Variants in CDC42BPA observed in about 807,000 individuals in gnomAD.
CDC42BPA encodes the protein CDC42 binding protein kinase alpha.
In CDC42BPA, 80 loss-of-function variants were observed where a neutral mutation model predicts 223.5. The ratio of observed to expected loss-of-function variants is 0.36; its 90% CI spans 0.30 to 0.43. The LOEUF is 0.43. Among genes scored for constraint, CDC42BPA ranks in the 20% least tolerant of loss-of-function variants. CDC42BPA has a pLI of 1.00. For synonymous variants in CDC42BPA, 694 were observed against 718.6 expected (o/e 0.97, Z 0.55); for missense variants, 1,743 against 2,099.9 (o/e 0.83, Z 3.32).
chr1:227,016,019 C>T (rs891428735), intron 34 of CDC42BPA, 61 bp downstream of exon 34: 3 of 822,750 alleles, frequency 3.6e-6, no homozygotes, highest in Non-Finnish European at 6.3e-6. Flanking sequence ...GTATTTAAGC[C>T]TATGTATTTA....
intron 5 of CDC42BPA, among the ~76,000 whole-genome samples, chr1:227,176,737 T>C (rs1443562549): frequency 2.0e-5 from 3 of 152,148 alleles, no homozygotes; most frequent in South Asian, 2.1e-4. Context: ...GTATATATTA[T>C]TACACTATAC....
chr1:227,208,175 T>C (rs1673163041), intron 3 of CDC42BPA, among the ~76,000 whole-genome samples: 2 of 149,376 alleles, frequency 1.3e-5, no homozygotes, highest in Admixed American at 1.3e-4. Context: ...TTTTGAGAAG[T>C]GTCTGTTCAT....
At chr1:227,120,388 C>G (rs1361904440) in intron 11 of CDC42BPA, among the ~76,000 whole-genome samples, 1 of 152,148 alleles carries the variant, frequency 6.6e-6, no homozygotes, top group Non-Finnish European at 1.5e-5. Flanking sequence ...CACTATTTAT[C>G]TGAAGAATAA....
At chr1:227,242,740 A>G (rs1680232433) in intron 2 of CDC42BPA, among the ~76,000 whole-genome samples, 1 of 152,202 alleles carries the variant, frequency 6.6e-6, no homozygotes, top group African/African-American at 2.4e-5. Context: ...TTAGTGAAAC[A>G]TGAACAAGAC....
chr1:227,004,812 T>C, intron 35 of CDC42BPA, 182 bp downstream of exon 35: 1 of 720,832 alleles, frequency 1.4e-6, no homozygotes, highest in Non-Finnish European at 2.6e-6. Flanking sequence ...ACTCTGGGAC[T>C]ATTTTCTTAA....
intron 8 of CDC42BPA, 57 bp from the exon 9 acceptor site, chr1:227,143,081 G>A: frequency 1.8e-6 from 2 of 1,109,636 alleles, no homozygotes; most frequent in Middle Eastern, 2.1e-4. Flanking sequence ...CTGTAGGCTT[G>A]GCTATAAATA....
intron 11 of CDC42BPA, among the ~76,000 whole-genome samples, chr1:227,121,559 T>TCA (rs1688668140): frequency 6.6e-6 from 1 of 152,204 alleles, no homozygotes; most frequent in African/African-American, 2.4e-5. Context: ...TAACTGGTTT[T>TCA]CATAGTATCT....
intron 15 of CDC42BPA, among the ~76,000 whole-genome samples, chr1:227,093,009 C>T (rs1014374769): frequency 1.3e-5 from 2 of 152,172 alleles, no homozygotes; most frequent in Non-Finnish European, 2.9e-5. Context: ...CATCTGAATT[C>T]ACAGACACAA....
At chr1:227,109,160 G>A (rs1463067283) in intron 14 of CDC42BPA, among the ~76,000 whole-genome samples, 1 of 152,138 alleles carries the variant, frequency 6.6e-6, no homozygotes, top group Non-Finnish European at 1.5e-5. Context: ...ACTGGTGAGT[G>A]AACATGAAGG....
At chr1:227,029,861 G>A (rs1044144645) in intron 29 of CDC42BPA, among the ~76,000 whole-genome samples, 2 of 152,018 alleles carry the variant, frequency 1.3e-5, no homozygotes, top group South Asian at 2.1e-4. Flanking sequence ...TGGGCTGGGC[G>A]CAGTGGCTCA....
At chr1:227,072,737 A>G (rs1678659874) in intron 19 of CDC42BPA, among the ~76,000 whole-genome samples, 1 of 152,066 alleles carries the variant, frequency 6.6e-6, no homozygotes, top group South Asian at 2.1e-4. Flanking sequence ...AGTGGAGCAC[A>G]TACAGGAGTA....
intron 14 of CDC42BPA, among the ~76,000 whole-genome samples, chr1:227,108,853 A>T (rs768199286): frequency 6.6e-6 from 1 of 152,192 alleles, no homozygotes; most frequent in East Asian, 1.9e-4. Context: ...CCACAAACCT[A>T]GATGGTACAG....
In CDC42BPA at chr1:227,288,749, C is replaced by G. The variant is rs369697728; in HGVS notation, c.178+28256G>C. Among the ~76,000 whole-genome samples, 231 of 151,912 alleles carry G rather than the reference C, an allele frequency of 1.5e-3. 2 individuals are homozygous for G. The highest frequency in any genetic ancestry group is 5.3e-3 in the African/African-American group (221 of 41,444). On this transcript the variant is annotated intron_variant, in intron 1 of 36. Coordinates refer to ENST00000366766, the MANE Select transcript of CDC42BPA (RefSeq NM_001394014.1). Reference sequence around the variant, plus strand: ...GTGGCTCATGCCTGCAATCCCAACACTTTGGAAGGCTGAGGCGGGCAGATC... The same window carrying G: ...GTGGCTCATGCCTGCAATCCCAACAGTTTGGAAGGCTGAGGCGGGCAGATC...
At chr1:227,209,405 T>C (rs1673451696) in intron 3 of CDC42BPA, among the ~76,000 whole-genome samples, 1 of 141,100 alleles carries the variant, frequency 7.1e-6, no homozygotes, top group Admixed American at 7.2e-5. Flanking sequence ...TGAATAGGAG[T>C]GGTGAGAGAG....
intron 5 of CDC42BPA, among the ~76,000 whole-genome samples, chr1:227,163,263 CATTAATTTTA>C (rs1337063812): frequency 2.0e-5 from 3 of 151,552 alleles, no homozygotes; most frequent in Admixed American, 6.6e-5. Flanking sequence ...TGTTTTAATT[CATTAATTTTA>C]ATTAATTTTA....
chr1:227,255,609 A>C (rs919388623), intron 1 of CDC42BPA, among the ~76,000 whole-genome samples: 3 of 152,204 alleles, frequency 2.0e-5, no homozygotes, highest in African/African-American at 7.2e-5. Context: ...AGTCATGATC[A>C]TACCACTGCA....
chr1:227,123,940 G>GA (rs1558549096), intron 11 of CDC42BPA, among the ~76,000 whole-genome samples: 1 of 152,044 alleles, frequency 6.6e-6, no homozygotes, highest in African/African-American at 2.4e-5. Flanking sequence ...ACATAAGAAC[G>GA]AGAGTCTCAG....
At chr1:227,145,004 G>A (rs745567950) in intron 8 of CDC42BPA, among the ~76,000 whole-genome samples, 2 of 152,182 alleles carry the variant, frequency 1.3e-5, no homozygotes, top group Non-Finnish European at 2.9e-5. Context: ...CAAGTCAGTA[G>A]TGGGGATGGA....
chr1:227,314,599 G>C (rs182623447), intron 1 of CDC42BPA, among the ~76,000 whole-genome samples: 1 of 151,914 alleles, frequency 6.6e-6, no homozygotes, highest in African/African-American at 2.4e-5. Context: ...GAATACAGCC[G>C]GTAAGAATCT....
Sources: allele counts gnomAD v4.1 joint callset (sites outside exome capture counted in the v4.1 genomes callset), GRCh38; gene constraint gnomAD v4.1.1; transcripts MANE v1.5; gene names NCBI Gene and HGNC (gene_info 2026-07-23, HGNC 2026-07-21).